SDK2: variants seen among roughly 807,000 people sequenced by gnomAD.
SDK2 encodes sidekick cell adhesion molecule 2.
A neutral mutation model predicts 253.9 loss-of-function variants in SDK2; 105 were observed. The ratio of observed to expected loss-of-function variants is 0.41; its 90% CI spans 0.35 to 0.49. SDK2 has a LOEUF of 0.49. Ranked by LOEUF, SDK2 falls within the 20% of genes least tolerant of loss-of-function variation. The pLI, the probability that SDK2 is intolerant of heterozygous loss-of-function variation, is 0.06. For missense variants in SDK2, 2,608 were observed against 3,003.0 expected, an observed-to-expected ratio of 0.87 and a Z score of 3.07; for synonymous variants, 1,249 against 1,234.9, an observed-to-expected ratio of 1.01 and a Z score of -0.24.
intron 24 of SDK2, among the ~76,000 whole-genome samples, chr17:73,397,058 T>G (rs1478885854): frequency 2.0e-5 from 3 of 152,226 alleles, no homozygotes; most frequent in African/African-American, 7.2e-5. Flanking sequence ...TTGCAAGTTG[T>G]GTTTTGCACA....
intron 2 of SDK2, among the ~76,000 whole-genome samples, chr17:73,473,432 G>A (rs886328223): frequency 1.4e-4 from 21 of 152,136 alleles, no homozygotes; most frequent in African/African-American, 4.6e-4. Flanking sequence ...AAGAAGGGAT[G>A]TCCTAGGATG....
Position 73,365,482 on chromosome 17 carries a change from T to C in SDK2, c.5168-87A>G, listed in dbSNP as rs1249249477. ...CAGCTCCAAGGAGCTAGCGGGAGTA[T>C]TGGGTCTGAGCCCGGGAGGAACAAG... is the stretch of plus-strand genomic sequence containing the variant. On this transcript the variant is annotated intron_variant, in intron 37 of 44. Transcript: ENST00000392650. 10 of 1,400,592 alleles carry C rather than the reference T, an allele frequency of 7.1e-6. No homozygotes were observed. The East Asian group carries it at 1.3e-4, about 19-fold the overall frequency. The allele number at this position is 1,400,592 out of a possible 1,614,324, so 86.8% of individuals were successfully genotyped here.
chr17:73,490,368 A>G (rs922393513), intron 2 of SDK2, among the ~76,000 whole-genome samples: 5 of 152,136 alleles, frequency 3.3e-5, no homozygotes, highest in African/African-American at 9.7e-5. Context: ...GCTCTGCTCT[A>G]AGGGATGGTA....
intron 2 of SDK2, among the ~76,000 whole-genome samples, chr17:73,500,118 T>C (rs2063875519): frequency 5.6e-5 from 7 of 125,470 alleles, no homozygotes; most frequent in Admixed American, 3.1e-4. Context: ...CTCCCTCCAT[T>C]CTCCTCCATC....
intron 2 of SDK2, among the ~76,000 whole-genome samples, chr17:73,503,189 G>A (rs570009270): frequency 6.6e-6 from 1 of 152,320 alleles, no homozygotes; most frequent in African/African-American, 2.4e-5. Flanking sequence ...CGTGATCCCC[G>A]ATTAGGTCCG....
intron 3 of SDK2, among the ~76,000 whole-genome samples, chr17:73,468,622 A>G (rs71380180): frequency 0.19 from 27,842 of 150,222 alleles, 2,824 homozygotes; most frequent in East Asian, 0.34. Flanking sequence ...AGCAATTCTC[A>G]TGCCTCAGCC....
chr17:73,438,194 A>T (rs1039799342), intron 6 of SDK2, 40 bp from the exon 7 acceptor site: 58 of 1,516,706 alleles, frequency 3.8e-5, no homozygotes, highest in Non-Finnish European at 5.1e-5. Context: ...AGCCATGAGG[A>T]CTCCCAGAGG....
intron 4 of SDK2, among the ~76,000 whole-genome samples, chr17:73,448,654 G>A (rs1044614299): frequency 3.3e-5 from 5 of 151,026 alleles, no homozygotes; most frequent in Non-Finnish European, 7.4e-5. Context: ...GTGAGCCACT[G>A]TGCCCAGTCT....
chr17:73,626,349 C>A (rs2046201855), intron 1 of SDK2, among the ~76,000 whole-genome samples: 1 of 152,186 alleles, frequency 6.6e-6, no homozygotes, highest in Admixed American at 6.5e-5. Flanking sequence ...TCCAAGGAAA[C>A]CTCCACCCCC....
chr17:73,410,531 T>G (rs1422950324), intron 18 of SDK2, among the ~76,000 whole-genome samples: 1 of 152,186 alleles, frequency 6.6e-6, no homozygotes, highest in East Asian at 1.9e-4. Flanking sequence ...TTGGCCAGGC[T>G]GTTTTCAAAC....
intron 36 of SDK2, among the ~76,000 whole-genome samples, chr17:73,376,469 T>G (rs1016151241): frequency 2.2e-4 from 33 of 152,318 alleles, no homozygotes; most frequent in African/African-American, 7.7e-4. Flanking sequence ...GGTGTGCTCA[T>G]GGGTTGATGA....
At chr17:73,559,440 T>C (rs2045194406) in intron 1 of SDK2, among the ~76,000 whole-genome samples, 1 of 152,236 alleles carries the variant, frequency 6.6e-6, no homozygotes, top group Non-Finnish European at 1.5e-5. Context: ...ATGTGTATTA[T>C]AATTCTTTTT....
At chr17:73,500,105 A>T (rs1251492425) in intron 2 of SDK2, among the ~76,000 whole-genome samples, 1 of 148,296 alleles carries the variant, frequency 6.7e-6, no homozygotes, top group Non-Finnish European at 1.5e-5. Flanking sequence ...TCCTCCGTCC[A>T]TCCTCCCTCC....
At chr17:73,592,931 T>C (rs2045703810) in intron 1 of SDK2, among the ~76,000 whole-genome samples, 2 of 152,122 alleles carry the variant, frequency 1.3e-5, no homozygotes, top group African/African-American at 4.8e-5. Context: ...TAATGCTGTG[T>C]TTGCAGCGCA....
At chr17:73,610,700 G>A (rs1267713313) in intron 1 of SDK2, among the ~76,000 whole-genome samples, 1 of 147,724 alleles carries the variant, frequency 6.8e-6, no homozygotes, top group African/African-American at 2.6e-5. Context: ...TGTGTGTAAT[G>A]TGTGTCTGTG....
At position 73,456,001 on chromosome 17, in the gene SDK2, T is replaced by C; in HGVS notation, c.384A>G (p.Glu128=). Residue 128 remains glutamate (E), a synonymous_variant, in exon 4 of 45, where the codon GAA becomes GAG. Coordinates refer to ENST00000392650, the MANE Select transcript of SDK2 (RefSeq NM_001144952.2). ...TGCGCGGGGCACGGATGACAGCTGCTTCTCCGTGGGAGACGCTCTGGTGCT... is the reference window on the plus strand; with the variant it reads ...TGCGCGGGGCACGGATGACAGCTGCCTCTCCGTGGGAGACGCTCTGGTGCT... ...GEKHQSVSHG[E]AAVIRAPRIA... is the part of the protein sequence containing the mutation. The C allele has an allele frequency of 6.5e-7, 1 of 1,545,628 alleles. No individual in the cohort carries two copies. The highest frequency in any genetic ancestry group is 8.7e-7 in the Non-Finnish European group (1 of 1,143,972).
At chr17:73,392,725 G>A (rs764292421) in intron 27 of SDK2, among the ~76,000 whole-genome samples, 5 of 152,064 alleles carry the variant, frequency 3.3e-5, no homozygotes, top group African/African-American at 7.2e-5. Context: ...ACTCTGGTCC[G>A]GTTCCTGCAA....
chr17:73,472,148 C>T lies in SDK2; in HGVS notation c.295G>A (p.Ala99Thr). 6.4e-7 allele frequency: 1 copy of T among 1,551,612 alleles called. No homozygotes were observed. Among genetic ancestry groups the T allele is most frequent in the Non-Finnish European group, 8.7e-7 (1 of 1,146,956 alleles). Residue 99 changes from alanine to threonine, a missense_variant, in exon 3 of 45, where the codon GCC (alanine) becomes ACC (threonine). Coordinates refer to ENST00000392650, the MANE Select transcript of SDK2 (RefSeq NM_001144952.2). ...ACCTCGGTTTGCCGCTGCAGCAGGG[C>T]CCCCATTCGGTTCCGCACGATGCAA... ...YRCIVRNRMGALLQRQTEVQV... is the reference protein window; with the variant it reads ...YRCIVRNRMGTLLQRQTEVQV...
chr17:73,469,586 A>AC (rs373891948), intron 3 of SDK2, among the ~76,000 whole-genome samples: 1 of 151,990 alleles, frequency 6.6e-6, no homozygotes, highest in African/African-American at 2.4e-5. Context: ...GCCTGGTCAC[A>AC]CCCCTCCCCC....
Sources: allele counts gnomAD v4.1 joint callset (sites outside exome capture counted in the v4.1 genomes callset), GRCh38; gene constraint gnomAD v4.1.1; transcripts MANE v1.5; gene names NCBI Gene and HGNC (gene_info 2026-07-23, HGNC 2026-07-21).